AGL: variants seen among roughly 807,000 people sequenced by gnomAD.
AGL encodes the protein glycogen debranching enzyme.
A neutral mutation model predicts 199.3 loss-of-function variants in AGL; 128 were observed. The ratio of observed to expected loss-of-function variants is 0.64; its 90% CI spans 0.56 to 0.74. The LOEUF (loss-of-function observed/expected upper bound fraction) is 0.74. Among genes scored for constraint, AGL ranks in the 30% least tolerant of loss-of-function variants. The pLI, the probability that AGL is intolerant of heterozygous loss-of-function variation, is 0.00. For synonymous variants in AGL, 584 were observed against 594.7 expected, an observed-to-expected ratio of 0.98 and a Z score of 0.26; for missense variants, 1,809 against 1,820.8, an observed-to-expected ratio of 0.99 and a Z score of 0.12.
At chr1:99,862,490 T>A in intron 4 of AGL, 67 bp downstream of exon 4, 4 of 1,554,454 alleles carry the variant, frequency 2.6e-6, no homozygotes, top group Non-Finnish European at 2.7e-6. Flanking sequence ...GTGATATAGA[T>A]TTCAAAAGTT....
chr1:99,865,402 G>T (rs1650424271), intron 5 of AGL, among the ~76,000 whole-genome samples: 1 of 152,178 alleles, frequency 6.6e-6, no homozygotes, highest in Admixed American at 6.5e-5. Context: ...GTTGTATTTG[G>T]AAATTATGTC....
At position 99,863,610 on chromosome 1, in the gene AGL, C is replaced by T. The variant is rs1007324352; in HGVS notation, c.461-776C>T. ...TTGGGACTGCAGGCGCCTGCCACCACGCCTGGCTAATATTTTGTATTTTTA... is the reference window on the plus strand; with the variant it reads ...TTGGGACTGCAGGCGCCTGCCACCATGCCTGGCTAATATTTTGTATTTTTA... On this transcript the variant is annotated intron_variant, in intron 4 of 33. Transcript: ENST00000361915. Among the ~76,000 whole-genome samples, 4 of 152,000 alleles carry T rather than the reference C, an allele frequency of 2.6e-5. No individual in the cohort carries two copies. In the East Asian group the frequency reaches 5.8e-4, roughly 22 times the overall value.
chr1:99,915,754 G>C (rs564177656), intron 31 of AGL, among the ~76,000 whole-genome samples: 1 of 151,822 alleles, frequency 6.6e-6, no homozygotes, highest in East Asian at 1.9e-4. Flanking sequence ...CTGCTTGACA[G>C]AATGAGACAC....
At chr1:99,919,535 A>G (rs1428348204) in intron 33 of AGL, among the ~76,000 whole-genome samples, 1 of 152,164 alleles carries the variant, frequency 6.6e-6, no homozygotes, top group Non-Finnish European at 1.5e-5. Context: ...ATTTATTATT[A>G]CTATGACCCC....
chr1:99,852,503 G>A lies in AGL; in HGVS notation c.82+1379G>A, dbSNP rs2101056984. 1.1e-5 allele frequency: 7 copies of A among 609,508 alleles called. No individual in the cohort carries two copies. The South Asian group carries it at 1.2e-4, about 11-fold the overall frequency. The allele number at this position is 609,508 out of a possible 1,614,324, so 37.8% of individuals were successfully genotyped here. The stretch of plus-strand genomic sequence containing the variant: ...TCCTGCCTCAGCCTCCCAAGTAGCT[G>A]GGACTGCAGGCATACATCACTATGC... On this transcript the variant is annotated intron_variant, in intron 2 of 33. Coordinates refer to ENST00000361915, the MANE Select transcript of AGL (RefSeq NM_000642.3).
chr1:99,878,148 A>T (rs902399097), intron 12 of AGL, among the ~76,000 whole-genome samples: 8 of 152,108 alleles, frequency 5.3e-5, no homozygotes, highest in Non-Finnish European at 1.0e-4. Context: ...TGTTATTTTT[A>T]GGTTGCTTTC....
intron 27 of AGL, 36 bp from the exon 28 acceptor site, chr1:99,910,676 T>C (rs1220514497): frequency 1.6e-6 from 2 of 1,287,552 alleles, no homozygotes; most frequent in Non-Finnish European, 2.2e-6. Context: ...ATATAATACT[T>C]ATAAAATTTT....
intron 2 of AGL, 34 bp downstream of exon 2, chr1:99,851,158 C>G: frequency 6.4e-7 from 1 of 1,560,812 alleles, no homozygotes; most frequent in East Asian, 2.2e-5. Flanking sequence ...TGCTCATTTG[C>G]GTCTTTTAAA....
chr1:99,896,041 G>C (rs1323081195), intron 24 of AGL, among the ~76,000 whole-genome samples: 1 of 152,150 alleles, frequency 6.6e-6, no homozygotes, highest in Non-Finnish European at 1.5e-5. Flanking sequence ...CTATAGCTCT[G>C]GTTCTTAATC....
In AGL at chr1:99,864,497, A is replaced by G. The variant is rs1405906449; in HGVS notation, c.572A>G (p.Lys191Arg). 1.9e-6 allele frequency: 3 copies of G among 1,613,900 alleles called. No homozygotes were observed. Among genetic ancestry groups the G allele is most frequent in the Non-Finnish European group, 2.5e-6 (3 of 1,179,846 alleles). Residue 191 changes from lysine to arginine, a missense_variant, in exon 5 of 34, where the codon AAG becomes AGG. Lys to Arg is a conservative substitution (Grantham distance 26). Transcript: ENST00000361915. ...LNPDFSRPNRKYTWNDVGQLV... is the reference protein window; with the variant it reads ...LNPDFSRPNRRYTWNDVGQLV... ...CCTGACTTTTCAAGACCTAATAGAAAGTATACCTGGAATGATGTTGGACAG... is the reference window on the plus strand; with the variant it reads ...CCTGACTTTTCAAGACCTAATAGAAGGTATACCTGGAATGATGTTGGACAG...
At chr1:99,868,250 T>C (rs1480622551) in intron 5 of AGL, among the ~76,000 whole-genome samples, 1 of 152,216 alleles carries the variant, frequency 6.6e-6, no homozygotes, top group African/African-American at 2.4e-5. Context: ...TGTTTAGAAT[T>C]CTTTCATTTT....
chr1:99,907,302 G>A (rs1070281), intron 27 of AGL, among the ~76,000 whole-genome samples: 9,969 of 152,148 alleles, frequency 0.066, 381 homozygotes, highest in Middle Eastern at 0.099. Flanking sequence ...TTTTAAGGCT[G>A]AATAATATTC....
In AGL at chr1:99,900,689, T is replaced by G. The variant is rs1281040074; in HGVS notation, c.3416T>G (p.Leu1139Arg). 6.2e-7 allele frequency: 1 copy of G among 1,614,048 alleles called. No homozygotes were observed. Among genetic ancestry groups the G allele is most frequent in the Non-Finnish European group, 8.5e-7 (1 of 1,180,030 alleles). Residue 1139 changes from leucine (L) to arginine (R), a missense_variant, in exon 26 of 34, where the codon CTA (leucine) becomes CGA (arginine). Leu to Arg is a moderately radical substitution (Grantham distance 102). Coordinates refer to ENST00000361915, the MANE Select transcript of AGL (RefSeq NM_000642.3). ...CTGAGGCATGGTCTCATTCCTAATC[T>G]ACTGGGTGAAGGAATTTATGCCAGA... is the stretch of plus-strand genomic sequence containing the variant. ...GTLRHGLIPNLLGEGIYARYN... is the reference protein window; with the variant it reads ...GTLRHGLIPNRLGEGIYARYN...
intron 1 of AGL, 53 bp from the exon 2 acceptor site, chr1:99,850,922 A>T (rs1397716176): frequency 1.1e-5 from 9 of 843,492 alleles, no homozygotes; most frequent in Non-Finnish European, 1.9e-5. Flanking sequence ...TCAGCTCTGG[A>T]GAGTTTAAGG....
chr1:99,882,681 A>T (rs1652144148), intron 17 of AGL, among the ~76,000 whole-genome samples: 1 of 152,122 alleles, frequency 6.6e-6, no homozygotes, highest in Non-Finnish European at 1.5e-5. Flanking sequence ...CCTTAATATT[A>T]CTTGATTTTT....
At chr1:99,908,927 A>G (rs1654525234) in intron 27 of AGL, among the ~76,000 whole-genome samples, 2 of 152,104 alleles carry the variant, frequency 1.3e-5, no homozygotes, top group Non-Finnish European at 2.9e-5. Flanking sequence ...TGTGTAATTT[A>G]CTTCTCAAAC....
Position 99,881,295 on chromosome 1 carries a change from T to G in AGL, c.2005T>G (p.Ser669Ala), listed in dbSNP as rs1652001372. ...GYDELVPHQI[S>A]VVSEERFYTK... ...GCTAAATTTTACCTTTGTCCAGATTTCAGTGGTTTCTGAAGAACGGTTTTA... is the reference window on the plus strand; with the variant it reads ...GCTAAATTTTACCTTTGTCCAGATTGCAGTGGTTTCTGAAGAACGGTTTTA... The change falls in exon 16 of 34, where the codon TCA (serine) becomes GCA (alanine). Residue 669 changes from serine (S) to alanine (A), a missense_variant. By Grantham distance (99) the Ser-to-Ala change is moderately conservative. Transcript: ENST00000361915. 1 of 1,614,094 alleles carries G rather than the reference T, an allele frequency of 6.2e-7. No homozygotes were observed. Among genetic ancestry groups the G allele is most frequent in the Non-Finnish European group, 8.5e-7 (1 of 1,179,988 alleles).
chr1:99,892,768 A>G (rs112630735), intron 24 of AGL, among the ~76,000 whole-genome samples, 161 bp downstream of exon 24: 61 of 152,226 alleles, frequency 4.0e-4, no homozygotes, highest in African/African-American at 1.4e-3. Context: ...AATAATAACC[A>G]TGCTTACTGT....
At chr1:99,876,779 T>A (rs1355295057) in intron 11 of AGL, among the ~76,000 whole-genome samples, 182 bp downstream of exon 11, 2 of 152,244 alleles carry the variant, frequency 1.3e-5, no homozygotes, top group Non-Finnish European at 2.9e-5. Flanking sequence ...AAAAAGAAGT[T>A]CATCTTCTGT....
Sources: gnomAD v4.1 joint callset for allele counts (sites outside exome capture counted in the v4.1 genomes callset) on GRCh38, gnomAD v4.1.1 for gene constraint, MANE v1.5 for transcripts, NCBI Gene and HGNC (gene_info 2026-07-23, HGNC 2026-07-21) for gene names.